The following PREX2 variants were observed in gnomAD, a reference collection of about 807,000 sequenced individuals.
PREX2 encodes the protein phosphatidylinositol-3,4,5-trisphosphate dependent Rac exchange factor 2, also known as phosphatidylinositol 3,4,5-trisphosphate-dependent Rac exchanger 2 protein.
In PREX2, 107 loss-of-function variants were observed where a neutral mutation model predicts 203.2. The ratio of observed to expected loss-of-function variants is 0.53; its 90% CI spans 0.45 to 0.62. The LOEUF (loss-of-function observed/expected upper bound fraction) is 0.62. Among genes scored for constraint, PREX2 ranks in the 20% least tolerant of loss-of-function variants. The pLI, the probability that PREX2 is intolerant of heterozygous loss-of-function variation, is 0.00. For synonymous variants in PREX2, 672 were observed against 663.6 expected, an observed-to-expected ratio of 1.01 and a Z score of -0.19; for missense variants, 1,777 against 1,955.9, an observed-to-expected ratio of 0.91 and a Z score of 1.72.
At chr8:68,110,934 G>A (rs770700206) in intron 25 of PREX2, 1 of 434,960 alleles carries the variant, frequency 2.3e-6, no homozygotes, top group South Asian at 1.7e-5. Flanking sequence ...ATTTACAGAT[G>A]AATTAAACCG....
chr8:68,105,419 G>A, intron 23 of PREX2: 1 of 1,264,088 alleles, frequency 7.9e-7, no homozygotes, highest in South Asian at 1.4e-5. Flanking sequence ...GCCCTTCCTA[G>A]CATGTGGGCA....
chr8:67,995,594 C>T (rs1806742934), intron 1 of PREX2, among the ~76,000 whole-genome samples: 2 of 152,148 alleles, frequency 1.3e-5, no homozygotes, highest in African/African-American at 2.4e-5. Context: ...TGAGTTGTTT[C>T]ATCAGCTATG....
chr8:68,039,756 C>G (rs1014609403), intron 7 of PREX2, among the ~76,000 whole-genome samples: 3 of 152,140 alleles, frequency 2.0e-5, no homozygotes, highest in African/African-American at 4.8e-5. Flanking sequence ...CATCCCACAT[C>G]CAATCCATTA....
At chr8:68,159,125 G>T (rs28784981) in intron 35 of PREX2, among the ~76,000 whole-genome samples, 1 of 152,004 alleles carries the variant, frequency 6.6e-6, no homozygotes, top group Admixed American at 6.5e-5. Context: ...TTAAATCCAG[G>T]TTCTTCTTTA....
chr8:68,152,968 G>T (rs1433028949), intron 34 of PREX2, among the ~76,000 whole-genome samples: 2 of 152,196 alleles, frequency 1.3e-5, no homozygotes, highest in African/African-American at 4.8e-5. Context: ...TATCACCTCA[G>T]TCCACCATAC....
intron 1 of PREX2, among the ~76,000 whole-genome samples, chr8:67,952,967 A>G (rs1008144053): frequency 5.3e-5 from 8 of 152,156 alleles, no homozygotes; most frequent in Non-Finnish European, 1.0e-4. Context: ...ACATCCAGGT[A>G]CACTAAGTTA....
rs1336557265 is a variant in PREX2 at position 68,088,886 on chromosome 8, T to C, written c.2113+1077T>C. On this transcript the variant is annotated intron_variant, in intron 19 of 39. Coordinates refer to ENST00000288368, the MANE Select transcript of PREX2 (RefSeq NM_024870.4). ...AGCTGTACCTCTTCCCTTATTACAA[T>C]GTCATTTAAAGAGCAAGGTTCTATC... is the stretch of plus-strand genomic sequence containing the variant. Among the ~76,000 whole-genome samples, 3 of 152,278 alleles carry C rather than the reference T, an allele frequency of 2.0e-5. No homozygotes were observed. The East Asian group carries it at 5.8e-4, about 29-fold the overall frequency.
intron 35 of PREX2, among the ~76,000 whole-genome samples, chr8:68,162,889 A>T (rs1811682061): frequency 6.6e-6 from 1 of 152,234 alleles, no homozygotes; most frequent in South Asian, 2.1e-4. Flanking sequence ...CAAATATTTT[A>T]AAATATCATA....
Position 68,027,300 on chromosome 8 carries a change from T to G in PREX2, c.520T>G (p.Cys174Gly). ...GYLVTPIQRI[C>G]KYPLILKELL... ...TTTAGTAACACCAATACAAAGAATA[T>G]GCAAGTACCCTCTTATTTTGAAGGT... The change falls in exon 5 of 40, where the codon TGC becomes GGC. Residue 174 changes from cysteine to glycine, a missense_variant. Cys to Gly is a radical substitution (Grantham distance 159, BLOSUM62 -3). Transcript: ENST00000288368. 6.2e-7 allele frequency: 1 copy of G among 1,603,960 alleles called. No homozygotes were observed. Among genetic ancestry groups the G allele is most frequent in the Non-Finnish European group, 8.5e-7 (1 of 1,171,090 alleles).
intron 11 of PREX2, among the ~76,000 whole-genome samples, chr8:68,064,071 G>A (rs1808944576): frequency 6.6e-6 from 1 of 152,140 alleles, no homozygotes; most frequent in Non-Finnish European, 1.5e-5. Context: ...GAACTCTAGC[G>A]TTGAGGAACT....
intron 35 of PREX2, among the ~76,000 whole-genome samples, chr8:68,168,840 A>G (rs1304334288): frequency 6.6e-6 from 1 of 151,952 alleles, no homozygotes; most frequent in Non-Finnish European, 1.5e-5. Context: ...CCTTTTTCAC[A>G]CTTTTACTTC....
intron 35 of PREX2, among the ~76,000 whole-genome samples, chr8:68,189,836 A>C (rs567016496): frequency 5.9e-5 from 9 of 152,186 alleles, no homozygotes; most frequent in Non-Finnish European, 1.3e-4. Flanking sequence ...CCAATCTTGG[A>C]TGCTGAGTTG....
At chr8:68,166,384 G>GA (rs1042658421) in intron 35 of PREX2, among the ~76,000 whole-genome samples, 56 of 152,256 alleles carry the variant, frequency 3.7e-4, no homozygotes, top group African/African-American at 1.3e-3. Context: ...CTAAAAGGAA[G>GA]AAACGAAAGC....
intron 34 of PREX2, among the ~76,000 whole-genome samples, chr8:68,147,671 C>T (rs972562263): frequency 6.6e-5 from 10 of 152,144 alleles, no homozygotes; most frequent in Non-Finnish European, 1.0e-4. Flanking sequence ...ATACATACCA[C>T]GTGCATATTA....
intron 31 of PREX2, among the ~76,000 whole-genome samples, chr8:68,128,411 T>G (rs1015587962): frequency 3.1e-4 from 47 of 151,574 alleles, no homozygotes; most frequent in African/African-American, 1.1e-3. Flanking sequence ...ACAATGACCA[T>G]TTCTTATTGC....
chr8:68,027,302 C>A lies in PREX2; in HGVS notation c.522C>A (p.Cys174Ter), dbSNP rs752729248. 6.2e-7 allele frequency: 1 copy of A among 1,600,910 alleles called. No individual in the cohort carries two copies. Among genetic ancestry groups the A allele is most frequent in the South Asian group, 1.1e-5 (1 of 90,776 alleles). Residue 174 changes from cysteine to a stop codon, truncating the protein, a stop_gained, in exon 5 of 40, where the codon TGC becomes TGA. Coordinates refer to ENST00000288368, the MANE Select transcript of PREX2 (RefSeq NM_024870.4). LOFTEE classifies it high-confidence loss of function. ...GYLVTPIQRI[C>*]KYPLILKELL... ...TAGTAACACCAATACAAAGAATATGCAAGTACCCTCTTATTTTGAAGGTAT... is the reference window on the plus strand; with the variant it reads ...TAGTAACACCAATACAAAGAATATGAAAGTACCCTCTTATTTTGAAGGTAT...
rs1812853438 is a variant in PREX2, at chr8:68,216,970, A to AC, written c.4605-646_4605-645insC. Among the ~76,000 whole-genome samples the AC allele has an allele frequency of 1.0e-4, 7 of 69,808 alleles. No homozygotes were observed. In the Admixed American group the frequency reaches 1.1e-3, roughly 11 times the overall value. 45.8% of individuals were successfully genotyped at this position (69,808 alleles called of 152,430 possible). A position where few individuals can be genotyped will look rare whatever the true frequency, so the allele number is the denominator to read the frequency against. ...AGCAAGACTCCATCTCAAAAAAACA[A>AC]AAAAAAAAAAAAAAATGAGAGAGAG... On this transcript the variant is annotated intron_variant, in intron 37 of 39. Transcript: ENST00000288368.
intron 35 of PREX2, among the ~76,000 whole-genome samples, chr8:68,174,583 C>A (rs908453062): frequency 6.6e-6 from 1 of 152,168 alleles, no homozygotes; most frequent in East Asian, 1.9e-4. Context: ...CCACTTTCCC[C>A]ACTGAGGTCT....
chr8:68,050,091 T>C (rs1808481936), intron 8 of PREX2, among the ~76,000 whole-genome samples: 1 of 151,638 alleles, frequency 6.6e-6, no homozygotes, highest in African/African-American at 2.4e-5. Flanking sequence ...TAATTACTTA[T>C]TATTTTTAAA....
Sources: gnomAD v4.1 joint callset for allele counts (sites outside exome capture counted in the v4.1 genomes callset) on GRCh38, gnomAD v4.1.1 for gene constraint, MANE v1.5 for transcripts, NCBI Gene and HGNC (gene_info 2026-07-23, HGNC 2026-07-21) for gene names.